The following ADCY1 variants were observed in gnomAD, a reference collection of about 807,000 sequenced individuals.
ADCY1 encodes adenylate cyclase type 1.
In ADCY1, 28 loss-of-function variants were observed where a neutral mutation model predicts 105.4. The ratio of observed to expected loss-of-function variants is 0.27; its 90% CI spans 0.20 to 0.36. The LOEUF (loss-of-function observed/expected upper bound fraction) is 0.36. Ranked by LOEUF, ADCY1 falls within the 10% of genes least tolerant of loss-of-function variation. The probability of loss-of-function intolerance (pLI) is 1.00; values close to 1 mark genes in which losing one functional copy is unlikely to be tolerated. For synonymous variants in ADCY1, 655 were observed against 623.8 expected (o/e 1.05, Z -0.75); for missense variants, 977 against 1,434.2 (o/e 0.68, Z 5.15).
intron 1 of ADCY1, among the ~76,000 whole-genome samples, chr7:45,589,145 A>G (rs1562675663): frequency 6.6e-6 from 1 of 152,032 alleles, no homozygotes; most frequent in Non-Finnish European, 1.5e-5. Flanking sequence ...CCTGGTGAGG[A>G]CACCTGGACT....
At chr7:45,648,325 T>C (rs1048508351) in intron 4 of ADCY1, among the ~76,000 whole-genome samples, 6 of 152,060 alleles carry the variant, frequency 3.9e-5, no homozygotes, top group East Asian at 3.9e-4. Flanking sequence ...ATAAAGGGAG[T>C]TGGGGAAGAT....
At chr7:45,713,103 GC>G (rs1785294988) in intron 19 of ADCY1, among the ~76,000 whole-genome samples, 1 of 152,080 alleles carries the variant, frequency 6.6e-6, no homozygotes, top group Non-Finnish European at 1.5e-5. Context: ...ACTCTTTGCT[GC>G]CCCTTCCAGC....
At chr7:45,627,724 G>A (rs902215740) in intron 4 of ADCY1, among the ~76,000 whole-genome samples, 3 of 152,180 alleles carry the variant, frequency 2.0e-5, no homozygotes, top group Non-Finnish European at 4.4e-5. Flanking sequence ...TGGGAGCAGG[G>A]TCAGTACCTG....
intron 2 of ADCY1, among the ~76,000 whole-genome samples, chr7:45,608,155 A>G (rs1477215888): frequency 6.6e-6 from 1 of 152,072 alleles, no homozygotes; most frequent in Non-Finnish European, 1.5e-5. Flanking sequence ...CTTCTGTGAG[A>G]TGGTATCTCA....
intron 17 of ADCY1, among the ~76,000 whole-genome samples, chr7:45,707,220 A>G (rs1336618490): frequency 2.0e-5 from 3 of 152,248 alleles, no homozygotes; most frequent in African/African-American, 7.2e-5. Flanking sequence ...TCCAAATGAA[A>G]TGAGAACTTA....
At chr7:45,596,791 G>C (rs1396856624) in intron 2 of ADCY1, among the ~76,000 whole-genome samples, 1 of 152,194 alleles carries the variant, frequency 6.6e-6, no homozygotes, top group Non-Finnish European at 1.5e-5. Flanking sequence ...AGAGAGTGGG[G>C]CAGGGCTGGC....
At chr7:45,664,457 C>T in intron 8 of ADCY1, 1 of 1,524,900 alleles carries the variant, frequency 6.6e-7, no homozygotes. Flanking sequence ...CCAGGGCATT[C>T]ACGCCAGCTC....
intron 1 of ADCY1, among the ~76,000 whole-genome samples, chr7:45,579,947 CCCCCCTT>C (rs1298009262): frequency 1.4e-5 from 2 of 141,010 alleles, no homozygotes; most frequent in African/African-American, 5.0e-5. Flanking sequence ...CTGCCCCGTC[CCCCCCTT>C]CCCCCTTCCC....
At chr7:45,661,292 G>A (rs1422918956) in intron 7 of ADCY1, among the ~76,000 whole-genome samples, 1 of 151,988 alleles carries the variant, frequency 6.6e-6, no homozygotes, top group Non-Finnish European at 1.5e-5. Flanking sequence ...CAGAAGAAGG[G>A]GATTTTGTTG....
intron 4 of ADCY1, 85 bp downstream of exon 4, chr7:45,622,828 A>G: frequency 1.9e-6 from 2 of 1,052,434 alleles, no homozygotes; most frequent in Non-Finnish European, 2.8e-6. Context: ...CTGTATTTGG[A>G]CCATGAACTA....
At chr7:45,610,697 AGTG>A (rs1793513254) in intron 3 of ADCY1, among the ~76,000 whole-genome samples, 200 bp downstream of exon 3, 1 of 5,866 alleles carries the variant, frequency 1.7e-4, no homozygotes, top group Non-Finnish European at 3.8e-4. Flanking sequence ...AGGAGGTGAT[AGTG>A]GAGGTGATGG....
At position 45,703,719 on chromosome 7, in the gene ADCY1, C is replaced by A; in HGVS notation, c.2691C>A (p.Leu897=). Residue 897 remains leucine (L), a synonymous_variant, in exon 16 of 20, where the codon CTC becomes CTA. Coordinates refer to ENST00000297323, the MANE Select transcript of ADCY1 (RefSeq NM_021116.4). The surrounding 1 kb of genome is among the most constrained non-coding windows in gnomAD (Gnocchi z 5.9). ...NNMGVECLRL[L]NEIIADFDEL... is the part of the protein sequence containing the mutation. ...TGGGGGTGGAGTGTCTGCGGCTTCT[C>A]AACGAGATCATCGCCGACTTTGACG... The A allele has an allele frequency of 6.3e-7, 1 of 1,594,100 alleles. No individual in the cohort carries two copies. The highest frequency in any genetic ancestry group is 8.6e-7 in the Non-Finnish European group (1 of 1,169,108).
intron 5 of ADCY1, among the ~76,000 whole-genome samples, chr7:45,653,827 C>T (rs1317153497): frequency 6.6e-6 from 1 of 152,186 alleles, no homozygotes; most frequent in East Asian, 1.9e-4. Context: ...GGAAGTTGCT[C>T]CTAGTCAGCC....
rs918400469 is a variant in ADCY1 at position 45,591,521 on chromosome 7, G to A, written c.640-1238G>A. ...TAATCTGTGTGGAGCAGTGACAGCCGGAGCCTGCAGGTTTCTGCTCCCTGG... is the reference window on the plus strand; with the variant it reads ...TAATCTGTGTGGAGCAGTGACAGCCAGAGCCTGCAGGTTTCTGCTCCCTGG... On this transcript the variant is annotated intron_variant, in intron 1 of 19. Transcript: ENST00000297323. This position sits in a 1 kb window ranked among gnomAD's most constrained non-coding sequence, Gnocchi z 4.1. Among the ~76,000 whole-genome samples, 1 of 152,228 alleles carries A rather than the reference G, an allele frequency of 6.6e-6. No homozygotes were observed. The highest frequency in any genetic ancestry group is 2.4e-5 in the African/African-American group (1 of 41,450).
intron 3 of ADCY1, among the ~76,000 whole-genome samples, chr7:45,615,962 A>AT (rs1269289347): frequency 2.0e-5 from 3 of 152,168 alleles, no homozygotes; most frequent in Non-Finnish European, 2.9e-5. Context: ...AGCTAGACCA[A>AT]TAAAAAAAGA....
At chr7:45,670,227 T>G (rs925684769) in intron 8 of ADCY1, among the ~76,000 whole-genome samples, 1 of 152,188 alleles carries the variant, frequency 6.6e-6, no homozygotes, top group African/African-American at 2.4e-5. Flanking sequence ...CTTGGGCTGT[T>G]CCTGGTACAT....
In ADCY1 at chr7:45,574,685, C is replaced by T; in HGVS notation, c.142C>T (p.Leu48=). Residue 48 remains leucine (L), a synonymous_variant, in exon 1 of 20, where the codon CTG becomes TTG. Transcript: ENST00000297323. This position sits in a 1 kb window ranked among gnomAD's most constrained non-coding sequence, Gnocchi z 7.0. ...EEFACPELEA[L]FRGYTLRLEQ... ...GTTCGCTTGCCCAGAGCTGGAGGCG[C>T]TGTTCCGCGGCTACACGCTGCGGCT... The T allele has an allele frequency of 7.2e-7, 1 of 1,392,428 alleles. No individual in the cohort carries two copies. Among genetic ancestry groups the T allele is most frequent in the Admixed American group, 3.4e-5 (1 of 29,838 alleles). 86.3% of individuals were successfully genotyped at this position (1,392,428 alleles called of 1,614,324 possible).
intron 2 of ADCY1, among the ~76,000 whole-genome samples, chr7:45,608,436 C>T (rs1236110087): frequency 6.6e-6 from 1 of 152,194 alleles, no homozygotes; most frequent in African/African-American, 2.4e-5. Flanking sequence ...GCCAAGAACC[C>T]CAATGAAAAT....
At chr7:45,640,286 C>T (rs898743184) in intron 4 of ADCY1, among the ~76,000 whole-genome samples, 3 of 152,198 alleles carry the variant, frequency 2.0e-5, no homozygotes, top group African/African-American at 7.2e-5. Flanking sequence ...AATTGAGCAG[C>T]TCCCGCTTAA....
Sources: allele counts gnomAD v4.1 joint callset (sites outside exome capture counted in the v4.1 genomes callset), GRCh38; gene constraint gnomAD v4.1.1; non-coding constraint Gnocchi (gnomAD v3.1); transcripts MANE v1.5; gene names NCBI Gene and HGNC (gene_info 2026-07-23, HGNC 2026-07-21).